NUMB: variants seen among roughly 807,000 people sequenced by gnomAD.
The protein encoded by NUMB is NUMB endocytic adaptor protein, also known as protein numb homolog.
A neutral mutation model predicts 59.7 loss-of-function variants in NUMB; 29 were observed. The ratio of observed to expected loss-of-function variants is 0.49; its 90% CI spans 0.36 to 0.66. The LOEUF (loss-of-function observed/expected upper bound fraction) is 0.66. NUMB is among the 30% of genes least tolerant of loss of function. The pLI, the probability that NUMB is intolerant of heterozygous loss-of-function variation, is 0.00. For missense variants in NUMB, 723 were observed against 822.0 expected (o/e 0.88, Z 1.47); for synonymous variants, 288 against 288.2 (o/e 1.00, Z 0.01).
At chr14:73,331,706 T>C (rs1891989479) in intron 4 of NUMB, among the ~76,000 whole-genome samples, 1 of 152,150 alleles carries the variant, frequency 6.6e-6, no homozygotes, top group African/African-American at 2.4e-5. Flanking sequence ...ATGCTGTTCT[T>C]GGGATAATCA....
At chr14:73,317,467 A>T (rs1261898100) in intron 5 of NUMB, among the ~76,000 whole-genome samples, 1 of 152,012 alleles carries the variant, frequency 6.6e-6, no homozygotes. Flanking sequence ...ACATCCAGCT[A>T]ATTTTTGTAT....
intron 2 of NUMB, among the ~76,000 whole-genome samples, chr14:73,396,601 C>T (rs1896151427): frequency 6.6e-6 from 1 of 152,006 alleles, no homozygotes; most frequent in African/African-American, 2.4e-5. Flanking sequence ...AACTCCTGAG[C>T]TCAACTGATA....
At chr14:73,289,506 C>A (rs1161303275) in intron 8 of NUMB, among the ~76,000 whole-genome samples, 1 of 152,246 alleles carries the variant, frequency 6.6e-6, no homozygotes, top group East Asian at 1.9e-4. Flanking sequence ...TTGTGGTGTT[C>A]TCAAAATCAC....
At chr14:73,307,103 A>AT (rs989886837) in intron 6 of NUMB, among the ~76,000 whole-genome samples, 1 of 152,112 alleles carries the variant, frequency 6.6e-6, no homozygotes, top group Non-Finnish European at 1.5e-5. Flanking sequence ...AGGTCAGGTG[A>AT]TTGAGACCAC....
chr14:73,381,710 A>G (rs901527152), intron 2 of NUMB, among the ~76,000 whole-genome samples: 2 of 152,242 alleles, frequency 1.3e-5, no homozygotes, highest in Admixed American at 6.5e-5. Flanking sequence ...AGCTGCATGA[A>G]GGCAGAATCC....
At chr14:73,313,647 T>C (rs1036174946) in intron 6 of NUMB, among the ~76,000 whole-genome samples, 2 of 123,610 alleles carry the variant, frequency 1.6e-5, no homozygotes, top group African/African-American at 7.0e-5. Context: ...TCATTATATA[T>C]ATGCAAATAT....
At chr14:73,455,196 A>G (rs1301907315) in intron 1 of NUMB, among the ~76,000 whole-genome samples, 1 of 152,226 alleles carries the variant, frequency 6.6e-6, no homozygotes, top group African/African-American at 2.4e-5. Flanking sequence ...GCAAAGCTAT[A>G]CCAACAGTTT....
intron 4 of NUMB, among the ~76,000 whole-genome samples, chr14:73,348,485 G>A (rs759865872): frequency 6.6e-5 from 10 of 152,220 alleles, no homozygotes; most frequent in Admixed American, 3.3e-4. Context: ...AGCGGAGGGC[G>A]AGCAAGCATT....
chr14:73,287,350 C>T (rs946482262), intron 8 of NUMB, 36 bp from the exon 9 acceptor site: 2 of 1,490,922 alleles, frequency 1.3e-6, no homozygotes, highest in African/African-American at 1.4e-5. Flanking sequence ...TTCAGAATTA[C>T]ACTACTAACA....
chr14:73,279,437 C>G lies in NUMB; in HGVS notation c.1097-13G>C, dbSNP rs1040932215. The G allele has an allele frequency of 6.4e-7, 1 of 1,560,614 alleles. No homozygotes were observed. Among genetic ancestry groups the G allele is most frequent in the Non-Finnish European group, 8.7e-7 (1 of 1,154,450 alleles). On this transcript the variant is annotated splice_polypyrimidine_tract_variant and intron_variant, in intron 11 of 12. Transcript: ENST00000555238. ...TCAGTGCCATTAGCTACAACGGGAGCAGACAACATCAATGGAGTTAATTCA... is the reference window on the plus strand; with the variant it reads ...TCAGTGCCATTAGCTACAACGGGAGGAGACAACATCAATGGAGTTAATTCA...
intron 7 of NUMB, among the ~76,000 whole-genome samples, chr14:73,293,287 A>G (rs1021646601): frequency 2.6e-5 from 4 of 152,064 alleles, no homozygotes; most frequent in African/African-American, 9.7e-5. Context: ...ACACACACAT[A>G]CACACAGTTC....
chr14:73,334,675 G>A (rs1402022132), intron 4 of NUMB, among the ~76,000 whole-genome samples: 1 of 152,108 alleles, frequency 6.6e-6, no homozygotes, highest in African/African-American at 2.4e-5. Context: ...TAGGCTGGGT[G>A]CGGTGGCTCA....
intron 1 of NUMB, among the ~76,000 whole-genome samples, chr14:73,450,574 T>G (rs1040179461): frequency 1.3e-5 from 2 of 149,616 alleles, no homozygotes; most frequent in Admixed American, 1.3e-4. Context: ...GCAGGTGGAT[T>G]ACTTGAGGTC....
At chr14:73,380,229 C>T (rs565371278) in intron 2 of NUMB, among the ~76,000 whole-genome samples, 1 of 152,080 alleles carries the variant, frequency 6.6e-6, no homozygotes, top group African/African-American at 2.4e-5. Flanking sequence ...GGATTCTGGA[C>T]GTTATCTTAT....
chr14:73,327,897 C>T (rs73309009), intron 4 of NUMB, among the ~76,000 whole-genome samples: 11,542 of 152,198 alleles, frequency 0.076, 1,055 homozygotes, highest in African/African-American at 0.21. Flanking sequence ...TCAACTCCTC[C>T]GCCTGCCCTC....
intron 4 of NUMB, among the ~76,000 whole-genome samples, chr14:73,352,475 C>CATAT (rs1893397883): frequency 7.3e-5 from 1 of 13,718 alleles, no homozygotes; most frequent in Non-Finnish European, 1.5e-4. Flanking sequence ...CACACACACA[C>CATAT]ACATATATAT....
At chr14:73,412,638 A>G (rs1180117833) in intron 1 of NUMB, among the ~76,000 whole-genome samples, 2 of 151,322 alleles carry the variant, frequency 1.3e-5, no homozygotes, top group East Asian at 1.9e-4. Context: ...AAAAGAAAAA[A>G]AAAAAAAAAA....
chr14:73,313,476 C>A (rs1483776087), intron 6 of NUMB, among the ~76,000 whole-genome samples: 1 of 150,692 alleles, frequency 6.6e-6, no homozygotes. Context: ...TTGTTTCATG[C>A]ACAAAATTAT....
At chr14:73,367,348 T>TACATAG (rs1555375287) in intron 2 of NUMB, among the ~76,000 whole-genome samples, 1 of 105,328 alleles carries the variant, frequency 9.5e-6, no homozygotes, top group Non-Finnish European at 1.7e-5. Flanking sequence ...TATATATATA[T>TACATAG]AGAGAGAGAG....
Sources: gnomAD v4.1 joint callset for allele counts (sites outside exome capture counted in the v4.1 genomes callset) on GRCh38, gnomAD v4.1.1 for gene constraint, MANE v1.5 for transcripts, NCBI Gene and HGNC (gene_info 2026-07-23, HGNC 2026-07-21) for gene names.